XKR9: variants seen among roughly 807,000 people sequenced by gnomAD.
XKR9 encodes XK-related protein 9.
Under a neutral mutation model 32.0 loss-of-function variants are expected in XKR9, and 32 were observed. The observed-to-expected ratio is 1.00, with a 90% CI of 0.76 to 1.34. XKR9 has a LOEUF of 1.34. Among genes scored for constraint, XKR9 ranks in the 40% most tolerant of loss-of-function variants. The pLI is 0.00. For synonymous variants in XKR9, 168 were observed against 143.4 expected (o/e 1.17, Z -1.22); for missense variants, 546 against 429.7 (o/e 1.27, Z -2.39).
At chr8:70,988,445 C>A in the XKR9 span, among the ~76,000 whole-genome samples, 6 of 151,976 alleles carry the variant, frequency 3.9e-5, no homozygotes, top group East Asian at 9.7e-4. Flanking sequence ...TGAATGGCAT[C>A]TTTACAACTC....
intron 4 of XKR9, among the ~76,000 whole-genome samples, chr8:70,724,333 C>A (rs1321577271): frequency 6.6e-6 from 1 of 151,960 alleles, no homozygotes; most frequent in African/African-American, 2.4e-5. Context: ...GGGTGTAGGA[C>A]CCACTGAGTG....
At chr8:71,046,740 T>C in the XKR9 span, among the ~76,000 whole-genome samples, 729 of 152,282 alleles carry the variant, frequency 4.8e-3, 7 homozygotes, top group African/African-American at 0.017. Flanking sequence ...CTCAGGGAAA[T>C]GAAATTGCTT....
chr8:70,808,509 C>T, the XKR9 span, among the ~76,000 whole-genome samples: 10 of 151,964 alleles, frequency 6.6e-5, no homozygotes, highest in Admixed American at 2.0e-4. Flanking sequence ...ATTGCCTCAC[C>T]CAGGAAGCAC....
chr8:70,897,447 G>A, the XKR9 span, among the ~76,000 whole-genome samples: 1 of 152,208 alleles, frequency 6.6e-6, no homozygotes, highest in African/African-American at 2.4e-5. Context: ...AGTTTTTTGA[G>A]AAACCTCTGT....
At chr8:70,798,780 C>T in the XKR9 span, among the ~76,000 whole-genome samples, 6 of 152,170 alleles carry the variant, frequency 3.9e-5, no homozygotes, top group African/African-American at 1.4e-4. Context: ...AGCCAGTTAT[C>T]CTAGCAGCAT....
the XKR9 span, among the ~76,000 whole-genome samples, chr8:70,830,997 A>C: frequency 6.6e-6 from 1 of 152,020 alleles, no homozygotes; most frequent in South Asian, 2.1e-4. Flanking sequence ...CTTTTTAAAA[A>C]CCTAACTTCT....
intron 2 of XKR9, among the ~76,000 whole-genome samples, chr8:70,772,546 A>G (rs1807467335): frequency 6.6e-6 from 1 of 152,214 alleles, no homozygotes; most frequent in African/African-American, 2.4e-5. Context: ...TCACTAGCTA[A>G]CAAGCCAGGA....
At chr8:70,956,092 G>A in the XKR9 span, among the ~76,000 whole-genome samples, 3 of 152,276 alleles carry the variant, frequency 2.0e-5, no homozygotes, top group East Asian at 3.9e-4. Context: ...GCAACATGGC[G>A]AGCAGTGGGG....
At chr8:70,873,640 G>C in the XKR9 span, among the ~76,000 whole-genome samples, 1 of 152,216 alleles carries the variant, frequency 6.6e-6, no homozygotes, top group Non-Finnish European at 1.5e-5. Flanking sequence ...AACTTGAAAG[G>C]ATGAGGAGTT....
the XKR9 span, among the ~76,000 whole-genome samples, chr8:70,966,204 A>G: frequency 9.9e-3 from 1,504 of 152,092 alleles, 22 homozygotes; most frequent in African/African-American, 0.034. Context: ...GGTTGTTCAA[A>G]TTCCATGCAG....
chr8:70,939,852 AT>A, the XKR9 span, among the ~76,000 whole-genome samples: 36 of 152,110 alleles, frequency 2.4e-4, no homozygotes, highest in Middle Eastern at 0.01. Context: ...GAACAAAAAC[AT>A]TTTTTTGGTC....
chr8:70,911,662 C>G, the XKR9 span, among the ~76,000 whole-genome samples: 1 of 152,054 alleles, frequency 6.6e-6, no homozygotes, highest in African/African-American at 2.4e-5. Context: ...AAGTATGAAA[C>G]CAAACAGATG....
the XKR9 span, among the ~76,000 whole-genome samples, chr8:70,822,251 G>T: frequency 6.6e-6 from 1 of 151,646 alleles, no homozygotes; most frequent in African/African-American, 2.4e-5. Flanking sequence ...TTTTTATCCG[G>T]GCAATAATTT....
chr8:70,746,893 A>G (rs1807066242), intron 2 of XKR9, among the ~76,000 whole-genome samples: 1 of 152,086 alleles, frequency 6.6e-6, no homozygotes. Context: ...CACGATGGGT[A>G]AATTTTCAAC....
At chr8:70,716,575 G>A (rs912564863) in intron 4 of XKR9, among the ~76,000 whole-genome samples, 3 of 152,062 alleles carry the variant, frequency 2.0e-5, no homozygotes, top group East Asian at 1.9e-4. Flanking sequence ...CTACTATCAC[G>A]AGAACAACAT....
At chr8:71,004,472 CA>C in the XKR9 span, among the ~76,000 whole-genome samples, 1 of 152,230 alleles carries the variant, frequency 6.6e-6, no homozygotes, top group South Asian at 2.1e-4. Flanking sequence ...TAAGATGGGC[CA>C]AATGAAGACA....
intron 2 of XKR9, among the ~76,000 whole-genome samples, chr8:70,755,161 C>G (rs1318161718): frequency 7.2e-5 from 11 of 152,340 alleles, no homozygotes; most frequent in Admixed American, 7.2e-4. Context: ...TGAAAAAATG[C>G]TCGTCATGAC....
At chr8:70,938,031 G>A in the XKR9 span, among the ~76,000 whole-genome samples, 1 of 151,950 alleles carries the variant, frequency 6.6e-6, no homozygotes, top group Non-Finnish European at 1.5e-5. Context: ...GACTTACTTG[G>A]GACAAGAGTA....
At chr8:71,038,017 A>C in the XKR9 span, among the ~76,000 whole-genome samples, 1 of 152,212 alleles carries the variant, frequency 6.6e-6, no homozygotes, top group Non-Finnish European at 1.5e-5. Context: ...TCTGGCTTAC[A>C]TAGGTACTGA....
Sources: allele counts gnomAD v4.1 joint callset (sites outside exome capture counted in the v4.1 genomes callset), GRCh38; gene constraint gnomAD v4.1.1; transcripts MANE v1.5; gene names NCBI Gene and HGNC (gene_info 2026-07-23, HGNC 2026-07-21).